The following SH3TC2 variants were observed in gnomAD, a reference collection of about 807,000 sequenced individuals.
SH3TC2 encodes SH3 domain and tetratricopeptide repeats 2.
A neutral mutation model predicts 124.5 loss-of-function variants in SH3TC2; 87 were observed. That is an observed-to-expected ratio of 0.70 (90% CI 0.59 to 0.84). The LOEUF is 0.84. SH3TC2 is among the 40% of genes least tolerant of loss of function. The pLI is 0.00. For missense variants in SH3TC2, 1,536 were observed against 1,566.4 expected, an observed-to-expected ratio of 0.98 and a Z score of 0.33; for synonymous variants, 634 against 628.5, an observed-to-expected ratio of 1.01 and a Z score of -0.13.
At chr5:149,015,752 GC>G (rs1753861504) in intron 12 of SH3TC2, among the ~76,000 whole-genome samples, 1 of 152,132 alleles carries the variant, frequency 6.6e-6, no homozygotes, top group African/African-American at 2.4e-5. Flanking sequence ...TCCCTGCCCT[GC>G]CTGGATGAGT....
At chr5:149,052,287 G>A (rs751021961) in intron 1 of SH3TC2, 47 bp from the exon 2 acceptor site, 1 of 1,436,452 alleles carries the variant, frequency 7.0e-7, no homozygotes, top group South Asian at 1.1e-5. Context: ...TAAGGAAGTT[G>A]AAAGCAAGTT....
In SH3TC2 at chr5:149,042,771, A is replaced by G. The variant is rs779715536; in HGVS notation, c.452T>C (p.Val151Ala). Residue 151 changes from valine (V) to alanine (A), a missense_variant, in exon 5 of 17, where the codon GTG becomes GCG. Val to Ala is a moderately conservative substitution (Grantham distance 64, BLOSUM62 0). Coordinates refer to ENST00000515425, the MANE Select transcript of SH3TC2 (RefSeq NM_024577.4). Reference protein sequence around the residue: ...DHKYWLNCILVEDTEIQVSVD... With the variant: ...DHKYWLNCILAEDTEIQVSVD... ...AGACACTTGGATCTCTGTATCCTCC[A>G]CCAATATGCAGTTGAGCCAGTACTT... 6.2e-7 allele frequency: 1 copy of G among 1,614,182 alleles called. No individual in the cohort carries two copies. Among genetic ancestry groups the G allele is most frequent in the Non-Finnish European group, 8.5e-7 (1 of 1,180,030 alleles).
At position 149,041,351 on chromosome 5, in the gene SH3TC2, A is replaced by G. The variant is rs150219967; in HGVS notation, c.731+65T>C. 5.4e-4 allele frequency: 830 copies of G among 1,546,592 alleles called. 5 individuals carry two copies. The African/African-American group carries it at 0.01, about 19-fold the overall frequency. ...GATGCCCATATCTGAAAGCATGCCTACTCTGTTCTGTGCAAACCTCAGTCT... is the reference window on the plus strand; with the variant it reads ...GATGCCCATATCTGAAAGCATGCCTGCTCTGTTCTGTGCAAACCTCAGTCT... On this transcript the variant is annotated intron_variant, in intron 6 of 16. Coordinates refer to ENST00000515425, the MANE Select transcript of SH3TC2 (RefSeq NM_024577.4).
chr5:149,062,338 TG>T (rs746051876), intron 1 of SH3TC2: 6 of 532,704 alleles, frequency 1.1e-5, no homozygotes, highest in Non-Finnish European at 2.3e-5. Flanking sequence ...CCAACCAGCC[TG>T]GTTGGCCTGG....
At chr5:149,007,939 G>C (rs1753718305) in intron 15 of SH3TC2, 2 of 152,534 alleles carry the variant, frequency 1.3e-5, no homozygotes, top group Non-Finnish European at 2.9e-5. Flanking sequence ...CCTCCCTTCA[G>C]CTCCCATCCA....
At chr5:149,022,714 T>C (rs1240704475) in intron 12 of SH3TC2, among the ~76,000 whole-genome samples, 1 of 152,198 alleles carries the variant, frequency 6.6e-6, no homozygotes, top group East Asian at 1.9e-4. Flanking sequence ...CCATAAAAAG[T>C]AATGTAGTAT....
At chr5:149,059,534 C>G (rs1754708956) in intron 1 of SH3TC2, among the ~76,000 whole-genome samples, 1 of 151,608 alleles carries the variant, frequency 6.6e-6, no homozygotes. Context: ...AACAGACCTA[C>G]CATCAGCAGT....
At chr5:149,010,178 G>A (rs1237702787) in intron 14 of SH3TC2, 92 bp downstream of exon 14, 79 of 1,547,824 alleles carry the variant, frequency 5.1e-5, no homozygotes, top group Non-Finnish European at 6.6e-5. Flanking sequence ...ACAAGCAAGA[G>A]AGGAGAAGAG....
intron 8 of SH3TC2, among the ~76,000 whole-genome samples, chr5:149,034,089 A>T (rs2127399101): frequency 6.6e-6 from 1 of 152,346 alleles, no homozygotes; most frequent in South Asian, 2.1e-4. Flanking sequence ...ATGAATGATT[A>T]AAAAGGTGAA....
rs763037689 is a variant in SH3TC2 at position 149,038,442 on chromosome 5, T to C, written c.854A>G (p.Asp285Gly). The C allele has an allele frequency of 1.9e-6, 3 of 1,614,152 alleles. No individual in the cohort carries two copies. The highest frequency in any genetic ancestry group is 2.5e-6 in the Non-Finnish European group (3 of 1,180,006). ...ALTGYEPGEK[D>G]ELNFYQGESI... ...TTCTCCCTGGTAGAAATTCAGTTCA[T>C]CCTTTTCTCCTGGCTCATAACCCGT... is the stretch of plus-strand genomic sequence containing the variant. The change falls in exon 8 of 17, where the codon GAT becomes GGT. Residue 285 changes from aspartate to glycine, a missense_variant. Asp to Gly is a moderately conservative substitution (Grantham distance 94). Coordinates refer to ENST00000515425, the MANE Select transcript of SH3TC2 (RefSeq NM_024577.4).
chr5:149,000,793 A>C lies in SH3TC2; in HGVS notation c.*3918T>G, dbSNP rs1753584269. 6.6e-6 allele frequency among the ~76,000 whole-genome samples: 1 copy of C among 152,210 alleles called. No individual in the cohort carries two copies. The highest frequency in any genetic ancestry group is 2.4e-5 in the African/African-American group (1 of 41,448). ...ACTAACTACCAATGTGTCTGGGAGAAAGTTACCCTTCTGTTCCTCAGTTTA... is the reference window on the plus strand; with the variant it reads ...ACTAACTACCAATGTGTCTGGGAGACAGTTACCCTTCTGTTCCTCAGTTTA... On this transcript the variant is annotated 3_prime_UTR_variant, in exon 17 of 17. Transcript: ENST00000515425.
rs1248959216 is a variant in SH3TC2 at position 149,047,040 on chromosome 5, G to A, written c.279+822C>T. 2 of 152,090 alleles carry A rather than the reference G, an allele frequency of 1.3e-5. 1 individual carries two copies. The highest frequency in any genetic ancestry group is 1.3e-4 in the Admixed American group (2 of 15,270). The allele number at this position is 152,090 out of a possible 1,614,324, so 9.4% of individuals were successfully genotyped here. On this transcript the variant is annotated intron_variant, in intron 3 of 16. Transcript: ENST00000515425. ...TGTAAAAAGTAACTAGAACATATTA[G>A]TTTATGTAAAGTAATATTATCCTTT...
At chr5:149,014,048 A>G (rs1009155628) in intron 12 of SH3TC2, among the ~76,000 whole-genome samples, 1 of 152,188 alleles carries the variant, frequency 6.6e-6, no homozygotes, top group African/African-American at 2.4e-5. Flanking sequence ...GAAACTGGAA[A>G]TAACTTACAT....
In SH3TC2 at chr5:149,023,098, C is replaced by G. The variant is rs1343988910; in HGVS notation, c.3053+3474G>C. On this transcript the variant is annotated intron_variant, in intron 12 of 16. Transcript: ENST00000515425. ...CAGATCCAGCTCAATTCAGGAAACT[C>G]TTTTGTAAAATTTTTGAATAGTCGG... Among the ~76,000 whole-genome samples, 5 of 152,196 alleles carry G rather than the reference C, an allele frequency of 3.3e-5. No individual in the cohort carries two copies. The East Asian group carries it at 9.6e-4, about 29-fold the overall frequency.
intron 2 of SH3TC2, 91 bp from the exon 3 acceptor site, chr5:149,048,080 T>G: frequency 8.7e-5 from 128 of 1,467,792 alleles, no homozygotes; most frequent in Non-Finnish European, 1.0e-4. Context: ...CCTACATGTA[T>G]ACCTGAACCC....
chr5:149,041,650 A>G (rs560107262), intron 5 of SH3TC2, 33 bp from the exon 6 acceptor site: 3 of 1,608,202 alleles, frequency 1.9e-6, no homozygotes, highest in South Asian at 2.2e-5. Flanking sequence ...TGGCTTTCTA[A>G]GGAGTAGCAG....
chr5:149,044,352 TA>T (rs1754421663), intron 4 of SH3TC2, 180 bp downstream of exon 4: 1 of 580,514 alleles, frequency 1.7e-6, no homozygotes, highest in East Asian at 3.0e-5. Flanking sequence ...TTTAGAATAA[TA>T]GTTAATATTT....
At chr5:149,030,355 C>T (rs949556065) in intron 9 of SH3TC2, among the ~76,000 whole-genome samples, 6 of 152,210 alleles carry the variant, frequency 3.9e-5, no homozygotes, top group East Asian at 1.9e-4. Context: ...GACTGCACGC[C>T]GCAGAGCTGC....
chr5:149,061,037 G>T (rs995676508), intron 1 of SH3TC2, among the ~76,000 whole-genome samples: 5 of 152,174 alleles, frequency 3.3e-5, no homozygotes, highest in African/African-American at 9.7e-5. Flanking sequence ...CCTCGCTAGG[G>T]AAAGGCCCTG....
Sources: gnomAD v4.1 joint callset for allele counts (sites outside exome capture counted in the v4.1 genomes callset) on GRCh38, gnomAD v4.1.1 for gene constraint, MANE v1.5 for transcripts, NCBI Gene and HGNC (gene_info 2026-07-23, HGNC 2026-07-21) for gene names.